The following ARHGAP26 variants were observed in gnomAD, a reference collection of about 807,000 sequenced individuals.
ARHGAP26 encodes the protein Rho GTPase activating protein 26.
In ARHGAP26, 38 loss-of-function variants were observed where a neutral mutation model predicts 104.8. The observed-to-expected ratio is 0.36, with a 90% CI of 0.28 to 0.48. The LOEUF (loss-of-function observed/expected upper bound fraction) is 0.48. Among genes scored for constraint, ARHGAP26 ranks in the 20% least tolerant of loss-of-function variants. The pLI is 0.99. For missense variants in ARHGAP26, 704 were observed against 947.9 expected, an observed-to-expected ratio of 0.74 and a Z score of 3.38; for synonymous variants, 341 against 340.0, an observed-to-expected ratio of 1.00 and a Z score of -0.03.
intron 17 of ARHGAP26, among the ~76,000 whole-genome samples, chr5:143,117,126 A>G (rs1240876627): frequency 1.3e-5 from 2 of 152,222 alleles, no homozygotes; most frequent in African/African-American, 4.8e-5. Context: ...TGAAGTGTAC[A>G]AGAAGCTTCT....
intron 1 of ARHGAP26, among the ~76,000 whole-genome samples, chr5:142,832,147 A>G (rs1390450411): frequency 6.6e-6 from 1 of 152,190 alleles, no homozygotes; most frequent in Non-Finnish European, 1.5e-5. Flanking sequence ...TTTGATGTCA[A>G]CTTAGTGGTC....
chr5:142,824,974 A>G (rs796375306), intron 1 of ARHGAP26, among the ~76,000 whole-genome samples: 74 of 152,348 alleles, frequency 4.9e-4, no homozygotes, highest in African/African-American at 1.6e-3. Flanking sequence ...GGGGCAACCA[A>G]TGAAAATGGA....
intron 1 of ARHGAP26, among the ~76,000 whole-genome samples, chr5:142,793,377 A>G (rs986331830): frequency 2.0e-5 from 3 of 147,260 alleles, no homozygotes; most frequent in African/African-American, 5.1e-5. Context: ...TTTTAGTCTC[A>G]CTGGTCCCAG....
intron 1 of ARHGAP26, among the ~76,000 whole-genome samples, chr5:142,854,473 A>G (rs1399451339): frequency 2.6e-5 from 4 of 152,212 alleles, no homozygotes; most frequent in Non-Finnish European, 5.9e-5. Flanking sequence ...CTTATTCTCC[A>G]TGCCTCCCAC....
intron 1 of ARHGAP26, among the ~76,000 whole-genome samples, chr5:142,815,902 C>G (rs573676199): frequency 5.3e-5 from 8 of 152,160 alleles, no homozygotes; most frequent in African/African-American, 1.7e-4. Flanking sequence ...TCAAGTGATT[C>G]TCCCACCTTA....
At chr5:143,108,393 T>C (rs1168446046) in intron 17 of ARHGAP26, among the ~76,000 whole-genome samples, 1 of 152,218 alleles carries the variant, frequency 6.6e-6, no homozygotes, top group African/African-American at 2.4e-5. Context: ...GGGTCTCAGC[T>C]CTTGTACATG....
Position 143,057,511 on chromosome 5 carries a change from A to G in ARHGAP26, c.1433-131A>G. 5.3e-6 allele frequency: 4 copies of G among 750,432 alleles called. No individual in the cohort carries two copies. The South Asian group carries it at 6.7e-5, about 13-fold the overall frequency. 46.5% of individuals were successfully genotyped at this position (750,432 alleles called of 1,614,324 possible). On this transcript the variant is annotated intron_variant, in intron 16 of 22. Coordinates refer to ENST00000645722, the MANE Select transcript of ARHGAP26 (RefSeq NM_001135608.3). ...ATGCTGGCCACGCAGTATGCACACAAGACAGGATTGTAAATCTTTGAGAAA... is the reference window on the plus strand; with the variant it reads ...ATGCTGGCCACGCAGTATGCACACAGGACAGGATTGTAAATCTTTGAGAAA...
At chr5:143,216,950 T>C (rs59203827) in intron 22 of ARHGAP26, among the ~76,000 whole-genome samples, 3,412 of 152,210 alleles carry the variant, frequency 0.022, 124 homozygotes, top group African/African-American at 0.077. Context: ...CAGGAGAAAA[T>C]GAGGCATTAC....
chr5:143,034,253 C>T (rs1450168672), intron 12 of ARHGAP26, among the ~76,000 whole-genome samples: 1 of 152,084 alleles, frequency 6.6e-6, no homozygotes, highest in African/African-American at 2.4e-5. Flanking sequence ...TAGGTGTATA[C>T]TCAAAAGAAA....
At chr5:142,819,087 G>A (rs1765638229) in intron 1 of ARHGAP26, among the ~76,000 whole-genome samples, 1 of 152,126 alleles carries the variant, frequency 6.6e-6, no homozygotes, top group East Asian at 1.9e-4. Flanking sequence ...TAGGTTACTG[G>A]GATGTCCCTG....
intron 11 of ARHGAP26, among the ~76,000 whole-genome samples, chr5:142,996,089 T>C (rs1056601385): frequency 6.6e-6 from 1 of 152,092 alleles, no homozygotes; most frequent in African/African-American, 2.4e-5. Context: ...ATACCTAATG[T>C]AGGTGACGGG....
chr5:142,804,472 A>G (rs940944427), intron 1 of ARHGAP26, among the ~76,000 whole-genome samples: 2 of 152,140 alleles, frequency 1.3e-5, no homozygotes, highest in Non-Finnish European at 2.9e-5. Context: ...TATTAAGCAT[A>G]GGTTTGAACA....
intron 10 of ARHGAP26, among the ~76,000 whole-genome samples, chr5:142,931,047 CA>C (rs1157911894): frequency 6.6e-6 from 1 of 152,136 alleles, no homozygotes; most frequent in Admixed American, 6.6e-5. Context: ...AGTTCTTGCT[CA>C]GTGGACCTCT....
chr5:143,077,400 AC>A (rs1789192299), intron 17 of ARHGAP26, among the ~76,000 whole-genome samples: 1 of 152,174 alleles, frequency 6.6e-6, no homozygotes, highest in Non-Finnish European at 1.5e-5. Flanking sequence ...ATGTTGAACC[AC>A]CCAGAGAGAT....
rs191969052 is a variant in ARHGAP26 at position 143,226,783 on chromosome 5, C to T, written c.*4337C>T. On this transcript the variant is annotated 3_prime_UTR_variant, in exon 23 of 23. Transcript: ENST00000645722. Reference sequence around the variant, plus strand: ...TCATTTCCTCTCACCGAGTGCTTTTCGGTGAGAGGCAAAGAGAAAGAATGA... The same window carrying T: ...TCATTTCCTCTCACCGAGTGCTTTTTGGTGAGAGGCAAAGAGAAAGAATGA... The T allele has an allele frequency of 1.3e-4, 28 of 219,734 alleles. 1 individual carries two copies. The highest frequency in any genetic ancestry group is 7.4e-4 in the South Asian group (4 of 5,410). 13.6% of individuals were successfully genotyped at this position (219,734 alleles called of 1,614,324 possible).
chr5:142,907,483 CT>C (rs1272785702), intron 8 of ARHGAP26: 1 of 289,680 alleles, frequency 3.5e-6, no homozygotes, highest in Admixed American at 5.0e-5. Context: ...AAACAGTCTT[CT>C]TTGGTCCCTG....
At chr5:143,212,864 G>A (rs1809718535) in intron 21 of ARHGAP26, among the ~76,000 whole-genome samples, 1 of 152,188 alleles carries the variant, frequency 6.6e-6, no homozygotes, top group Admixed American at 6.5e-5. Flanking sequence ...ACTGATGCCT[G>A]GCCGGGCGCG....
At chr5:142,823,490 C>T (rs35300) in intron 1 of ARHGAP26, among the ~76,000 whole-genome samples, 18,135 of 151,918 alleles carry the variant, frequency 0.12, 1,413 homozygotes, top group East Asian at 0.31. Flanking sequence ...AAGCCTGGCT[C>T]TTGGGACTGT....
chr5:142,945,713 T>C (rs1231573423), intron 11 of ARHGAP26, among the ~76,000 whole-genome samples: 1 of 152,210 alleles, frequency 6.6e-6, no homozygotes, highest in Non-Finnish European at 1.5e-5. Flanking sequence ...TACAAAAATA[T>C]TACAAAGAAT....
Sources: gnomAD v4.1 joint callset for allele counts (sites outside exome capture counted in the v4.1 genomes callset) on GRCh38, gnomAD v4.1.1 for gene constraint, MANE v1.5 for transcripts, NCBI Gene and HGNC (gene_info 2026-07-23, HGNC 2026-07-21) for gene names.